Variants in KCNH7 observed in about 807,000 individuals in gnomAD.
The protein encoded by KCNH7 is potassium voltage-gated channel subfamily H member 7.
KCNH7 carries 49 observed loss-of-function variants against 120.8 expected under a neutral mutation model. The ratio of observed to expected loss-of-function variants is 0.41; its 90% confidence interval spans 0.32 to 0.51. The LOEUF (loss-of-function observed/expected upper bound fraction) is 0.51, where lower values mean the gene tolerates loss of function less well. KCNH7 is among the 20% of genes least tolerant of loss of function. The probability of loss-of-function intolerance (pLI) is 0.38; values close to 1 mark genes in which losing one functional copy is unlikely to be tolerated. For synonymous variants in KCNH7, 547 were observed against 516.1 expected, an observed-to-expected ratio of 1.06 and a Z score of -0.81; for missense variants, 1,097 against 1,446.6, an observed-to-expected ratio of 0.76 and a Z score of 3.92.
At chr2:162,578,537 C>A (rs1263377813) in intron 2 of KCNH7, among the ~76,000 whole-genome samples, 1 of 151,874 alleles carries the variant, frequency 6.6e-6, no homozygotes, top group Non-Finnish European at 1.5e-5. Context: ...TCAAGCAGGG[C>A]AGATGAGGGT....
chr2:162,594,327 C>T (rs1317085279), intron 2 of KCNH7, among the ~76,000 whole-genome samples: 2 of 151,970 alleles, frequency 1.3e-5, no homozygotes, highest in African/African-American at 2.4e-5. Flanking sequence ...TTCCTACTCT[C>T]CCCATCCCCA....
chr2:162,373,722 TTTAAA>T, intron 14 of KCNH7, 60 bp from the exon 15 acceptor site: 3 of 1,233,104 alleles, frequency 2.4e-6, no homozygotes, highest in Non-Finnish European at 1.1e-6. Flanking sequence ...TTCAGGAGCA[TTTAAA>T]AAAATTTCAG....
At chr2:162,771,567 G>A (rs1267663659) in intron 2 of KCNH7, among the ~76,000 whole-genome samples, 1 of 151,692 alleles carries the variant, frequency 6.6e-6, no homozygotes, top group East Asian at 1.9e-4. Context: ...AGATTTTTTG[G>A]TATGTTATTT....
chr2:162,747,466 T>C (rs1688354589), intron 2 of KCNH7, among the ~76,000 whole-genome samples: 2 of 152,194 alleles, frequency 1.3e-5, no homozygotes, highest in Non-Finnish European at 2.9e-5. Context: ...CAAGTGGTTA[T>C]GTTTTTATTG....
rs558490692 is a variant in KCNH7, at chr2:162,628,769, A to G, written c.308-91689T>C. Among the ~76,000 whole-genome samples, 469 of 152,142 alleles carry G rather than the reference A, an allele frequency of 3.1e-3. 2 individuals carry two copies. Among genetic ancestry groups the G allele is most frequent in the African/African-American group, 0.011 (447 of 41,522 alleles). On this transcript the variant is annotated intron_variant, in intron 2 of 15. Transcript: ENST00000332142. ...TCCAGCTTCACCTATGTCCCTGCAA[A>G]GTACAAGATCTTGTTTATATTTTTA...
intron 2 of KCNH7, among the ~76,000 whole-genome samples, chr2:162,537,424 A>T (rs1379843614): frequency 6.6e-6 from 1 of 152,060 alleles, no homozygotes; most frequent in Non-Finnish European, 1.5e-5. Context: ...TTTCTTATAA[A>T]TTTTGATTAA....
At chr2:162,657,233 A>G (rs1446390163) in intron 2 of KCNH7, among the ~76,000 whole-genome samples, 1 of 152,224 alleles carries the variant, frequency 6.6e-6, no homozygotes, top group Non-Finnish European at 1.5e-5. Flanking sequence ...TTGAAAAGCT[A>G]TAATGAAATA....
chr2:162,788,417 G>A (rs1243554042), intron 2 of KCNH7, among the ~76,000 whole-genome samples: 1 of 151,984 alleles, frequency 6.6e-6, no homozygotes, highest in Non-Finnish European at 1.5e-5. Context: ...AAAGAGACAG[G>A]AACCATATAA....
chr2:162,665,820 C>G (rs746371447), intron 2 of KCNH7, among the ~76,000 whole-genome samples: 1 of 152,018 alleles, frequency 6.6e-6, no homozygotes, highest in Non-Finnish European at 1.5e-5. Flanking sequence ...GAGTCATCTT[C>G]GCTTCTTTGC....
intron 12 of KCNH7, 140 bp downstream of exon 12, chr2:162,394,249 C>G (rs1686834591): frequency 3.1e-6 from 2 of 637,730 alleles, no homozygotes; most frequent in East Asian, 5.6e-5. Flanking sequence ...AGATCATTAG[C>G]TACTGAATAA....
intron 12 of KCNH7, among the ~76,000 whole-genome samples, chr2:162,392,274 G>A (rs917184984): frequency 6.7e-6 from 1 of 148,916 alleles, no homozygotes; most frequent in Admixed American, 6.7e-5. Flanking sequence ...GTATGAATTC[G>A]TGTGTGTGTG....
chr2:162,710,995 C>A (rs1188483465), intron 2 of KCNH7, among the ~76,000 whole-genome samples: 2 of 151,950 alleles, frequency 1.3e-5, no homozygotes, highest in South Asian at 2.1e-4. Flanking sequence ...AACTCCACAA[C>A]CACAGAAAAA....
chr2:162,422,765 C>T (rs77693762), intron 9 of KCNH7, among the ~76,000 whole-genome samples: 8,919 of 152,034 alleles, frequency 0.059, 366 homozygotes, highest in Middle Eastern at 0.16. Flanking sequence ...AAAGGAAAGA[C>T]GCATTAAACC....
intron 2 of KCNH7, among the ~76,000 whole-genome samples, chr2:162,725,467 C>T (rs1303295500): frequency 6.6e-6 from 1 of 152,098 alleles, no homozygotes; most frequent in East Asian, 1.9e-4. Flanking sequence ...CTGGAAGATA[C>T]ATTCAGAATA....
At chr2:162,838,047 C>T (rs941619521) in intron 1 of KCNH7, among the ~76,000 whole-genome samples, 18 of 152,180 alleles carry the variant, frequency 1.2e-4, no homozygotes, top group Non-Finnish European at 1.0e-4. Context: ...TCGCTACTAC[C>T]ATTTACATTC....
At chr2:162,765,001 A>G (rs76157320) in intron 2 of KCNH7, among the ~76,000 whole-genome samples, 5,088 of 152,032 alleles carry the variant, frequency 0.033, 275 homozygotes, top group African/African-American at 0.12. Context: ...AAAAATATTA[A>G]AATGTCACAA....
At chr2:162,403,900 A>G (rs16846675) in intron 9 of KCNH7, among the ~76,000 whole-genome samples, 3,328 of 152,082 alleles carry the variant, frequency 0.022, 133 homozygotes, top group African/African-American at 0.077. Flanking sequence ...ATAGTGGAAT[A>G]GAGGTAGAAG....
chr2:162,805,736 T>A (rs1460704353), intron 2 of KCNH7, among the ~76,000 whole-genome samples: 2 of 152,142 alleles, frequency 1.3e-5, no homozygotes, highest in East Asian at 3.8e-4. Context: ...CTACTGGATA[T>A]CTATCCAAAT....
chr2:162,419,520 T>C (rs1464738325), intron 9 of KCNH7, among the ~76,000 whole-genome samples: 1 of 151,916 alleles, frequency 6.6e-6, no homozygotes, highest in Non-Finnish European at 1.5e-5. Context: ...TGTCCAAGAG[T>C]AGTGGCAGAC....
Sources: gnomAD v4.1 joint callset for allele counts (sites outside exome capture counted in the v4.1 genomes callset) on GRCh38, gnomAD v4.1.1 for gene constraint, MANE v1.5 for transcripts, NCBI Gene and HGNC (gene_info 2026-07-23, HGNC 2026-07-21) for gene names.